Variants in SUCO observed in about 807,000 individuals in gnomAD.
The protein encoded by SUCO is SUN domain containing ossification factor.
SUCO carries 57 observed loss-of-function variants against 148.1 expected under a neutral mutation model. The observed-to-expected ratio is 0.38, with a 90% CI of 0.31 to 0.48. The LOEUF (loss-of-function observed/expected upper bound fraction) is 0.48. SUCO is among the 20% of genes least tolerant of loss of function. SUCO has a pLI of 0.96. For synonymous variants in SUCO, 470 were observed against 502.7 expected, an observed-to-expected ratio of 0.93 and a Z score of 0.87; for missense variants, 1,331 against 1,468.2, an observed-to-expected ratio of 0.91 and a Z score of 1.53.
At chr1:172,561,298 G>C (rs1365815490) in intron 6 of SUCO, among the ~76,000 whole-genome samples, 1 of 152,174 alleles carries the variant, frequency 6.6e-6, no homozygotes, top group Non-Finnish European at 1.5e-5. Context: ...TCAGTGGGGG[G>C]AGTTCATTCC....
Position 172,573,904 on chromosome 1 carries a change from C to T in SUCO, c.1063C>T (p.Leu355Phe). 6.3e-7 allele frequency: 1 copy of T among 1,581,864 alleles called. No homozygotes were observed. Among genetic ancestry groups the T allele is most frequent in the Non-Finnish European group, 8.7e-7 (1 of 1,154,984 alleles). The stretch of plus-strand genomic sequence containing the variant: ...TTCTTTTTGAAGGTTTGTTATTGAA[C>T]TTTGTGAACCAATTCAAGTAAAACA... ...CSTKIWFVIE[L>F]CEPIQVKQLD... Residue 355 changes from leucine to phenylalanine, a missense_variant, in exon 10 of 24, where the codon CTT (leucine) becomes TTT (phenylalanine). This residue lies in a region of SUCO where 992 missense variants were observed against 1,093.5 expected (regional missense o/e 0.91). Coordinates refer to ENST00000263688, the MANE Select transcript of SUCO (RefSeq NM_014283.5).
chr1:172,608,817 C>T lies in SUCO; in HGVS notation c.3321+15C>T. ...CAGAAAAGAAGGTAATTGTTTATTT[C>T]TTTTTAAGTTTATTGCTATGTTTTG... On this transcript the variant is annotated intron_variant, in intron 23 of 23. Transcript: ENST00000263688. 1 of 1,506,816 alleles carries T rather than the reference C, an allele frequency of 6.6e-7. No homozygotes were observed. The highest frequency in any genetic ancestry group is 2.3e-5 in the East Asian group (1 of 43,924). The allele number at this position is 1,506,816 out of a possible 1,614,324, so 93.3% of individuals were successfully genotyped here. A position where few individuals can be genotyped will look rare whatever the true frequency, so the allele number is the denominator to read the frequency against.
chr1:172,549,224 G>A, intron 1 of SUCO, among the ~76,000 whole-genome samples: 1 of 151,614 alleles, frequency 6.6e-6, no homozygotes. Flanking sequence ...GTACTTACTG[G>A]GTAATCTTAC....
intron 15 of SUCO, among the ~76,000 whole-genome samples, chr1:172,583,660 A>T (rs1656036412): frequency 6.6e-6 from 1 of 152,154 alleles, no homozygotes; most frequent in South Asian, 2.1e-4. Flanking sequence ...CGCTTTAGGA[A>T]GGGAGATTAA....
chr1:172,578,750 C>A (rs1655650577), intron 14 of SUCO, among the ~76,000 whole-genome samples: 1 of 151,958 alleles, frequency 6.6e-6, no homozygotes, highest in Admixed American at 6.6e-5. Context: ...AGCCTAAGAG[C>A]AAGCACATTT....
intron 19 of SUCO, among the ~76,000 whole-genome samples, chr1:172,597,105 T>A (rs543300692): frequency 7.2e-5 from 11 of 152,248 alleles, no homozygotes; most frequent in Admixed American, 6.6e-4. Context: ...GGATATAATC[T>A]CCTGGTGTGC....
At chr1:172,579,712 A>G (rs1479240434) in intron 15 of SUCO, among the ~76,000 whole-genome samples, 2 of 152,108 alleles carry the variant, frequency 1.3e-5, no homozygotes, top group African/African-American at 2.4e-5. Context: ...CTAAGAAACA[A>G]TGAATAAGAT....
intron 6 of SUCO, among the ~76,000 whole-genome samples, chr1:172,566,426 G>A (rs907798136): frequency 1.3e-5 from 2 of 152,196 alleles, no homozygotes; most frequent in South Asian, 2.1e-4. Context: ...TCATCCCTTC[G>A]TGGTCACCAG....
At position 172,589,384 on chromosome 1, in the gene SUCO, A is replaced by G. The variant is rs41264546; in HGVS notation, c.2283A>G (p.Pro761=). ...ESVEYEAGHI[P]SPVIPQESSV... is the part of the protein sequence containing the mutation. ...TTGAATATGAGGCAGGACATATACC[A>G]TCACCAGTGATTCCCCAAGAGAGTT... The change falls in exon 18 of 24, where the codon CCA becomes CCG. Residue 761 remains proline, a synonymous_variant. Transcript: ENST00000263688. 136,355 of 1,613,540 alleles carry G rather than the reference A, an allele frequency of 0.085. 6,514 individuals are homozygous for G. Among genetic ancestry groups the G allele is most frequent in the Middle Eastern group, 0.12 (725 of 6,058 alleles).
intron 22 of SUCO, among the ~76,000 whole-genome samples, chr1:172,607,199 C>G (rs994818292): frequency 6.6e-6 from 1 of 151,774 alleles, no homozygotes; most frequent in Non-Finnish European, 1.5e-5. Flanking sequence ...TATGTTGTGT[C>G]TTTGTGTGCT....
chr1:172,567,979 C>T (rs1025542460), intron 6 of SUCO, among the ~76,000 whole-genome samples: 6 of 152,194 alleles, frequency 3.9e-5, no homozygotes, highest in African/African-American at 1.2e-4. Context: ...CAAGCATTAT[C>T]GCCTGAATTC....
intron 17 of SUCO, chr1:172,588,559 A>G: frequency 1.0e-6 from 1 of 985,136 alleles, no homozygotes; most frequent in Non-Finnish European, 1.2e-6. Context: ...CACTTGATAA[A>G]TAGTATTTCT....
In SUCO at chr1:172,589,436, CAA is replaced by C; in HGVS notation, c.2338_2339del (p.Lys780ValfsTer2). The C allele has an allele frequency of 1.2e-6, 2 of 1,612,810 alleles. No homozygotes were observed. Among genetic ancestry groups the C allele is most frequent in the Non-Finnish European group, 1.7e-6 (2 of 1,179,590 alleles). ...SSVEIDNETE[Q>X]KSESFSSIEK... ...TGTTGAGATCGATAATGAAACAGAA[CAA>C]AAGTCTGAGAGCTTTAGTTCTATAG... On this transcript the variant is annotated frameshift_variant, in exon 18 of 24. Coordinates refer to ENST00000263688, the MANE Select transcript of SUCO (RefSeq NM_014283.5). LOFTEE classifies it high-confidence loss of function.
chr1:172,608,875 T>C, intron 23 of SUCO, 73 bp downstream of exon 23: 4 of 996,070 alleles, frequency 4.0e-6, no homozygotes, highest in Non-Finnish European at 6.2e-6. Context: ...GTTGAAAGGT[T>C]TAAGGTAATT....
chr1:172,536,728 A>G (rs1285968860), intron 1 of SUCO, among the ~76,000 whole-genome samples: 1 of 152,150 alleles, frequency 6.6e-6, no homozygotes, highest in Admixed American at 6.5e-5. Flanking sequence ...TCACAGGGCT[A>G]AATAAAGTTA....
chr1:172,547,722 G>A (rs1191984207), intron 1 of SUCO, among the ~76,000 whole-genome samples: 2 of 152,126 alleles, frequency 1.3e-5, no homozygotes, highest in Admixed American at 6.5e-5. Context: ...ATTCTGTACT[G>A]GAGAAAGGAA....
Position 172,579,579 on chromosome 1 carries a change from C to T in SUCO, c.1498+312C>T, listed in dbSNP as rs148258349. On this transcript the variant is annotated intron_variant, in intron 15 of 23. Coordinates refer to ENST00000263688, the MANE Select transcript of SUCO (RefSeq NM_014283.5). ...TTGGGGAAAGAATTATTAAAACAGTCATACCACAGTTAATCTATGGGTATG... is the reference window on the plus strand; with the variant it reads ...TTGGGGAAAGAATTATTAAAACAGTTATACCACAGTTAATCTATGGGTATG... Among the ~76,000 whole-genome samples the T allele has an allele frequency of 3.6e-3, 545 of 152,138 alleles. 2 individuals carry two copies. Among genetic ancestry groups the T allele is most frequent in the African/African-American group, 0.013 (524 of 41,542 alleles).
intron 21 of SUCO, 64 bp downstream of exon 21, chr1:172,602,282 A>G: frequency 1.4e-6 from 2 of 1,442,500 alleles, no homozygotes; most frequent in South Asian, 2.8e-5. Flanking sequence ...TTTTTGAGAA[A>G]TTTTAAGCAA....
chr1:172,608,693 T>C (rs1481751509), intron 22 of SUCO, 54 bp from the exon 23 acceptor site: 6 of 1,196,292 alleles, frequency 5.0e-6, no homozygotes, highest in Non-Finnish European at 7.3e-6. Context: ...TTATAGCAAA[T>C]CCACCAAATC....
Sources: gnomAD v4.1 joint callset for allele counts (sites outside exome capture counted in the v4.1 genomes callset) on GRCh38, gnomAD v4.1.1 for gene constraint, gnomAD v4.1.1 regional missense constraint, MANE v1.5 for transcripts, NCBI Gene and HGNC (gene_info 2026-07-23, HGNC 2026-07-21) for gene names.